The following PCDH11X variants were observed in gnomAD, a reference collection of about 807,000 sequenced individuals.
PCDH11X encodes protocadherin 11 X-linked.
In PCDH11X, 18 loss-of-function variants were observed where a neutral mutation model predicts 53.3. The observed-to-expected ratio is 0.34, with a 90% confidence interval of 0.23 to 0.50. The LOEUF is 0.50. Among genes scored for constraint, PCDH11X ranks in the 20% least tolerant of loss-of-function variants. PCDH11X has a pLI of 0.98. For synonymous variants in PCDH11X, 279 were observed against 393.3 expected (o/e 0.71, Z 3.44); for missense variants, 570 against 1,032.4 (o/e 0.55, Z 6.14).
At chrX:92,276,096 G>A (rs188755839) in intron 8 of PCDH11X, among the ~76,000 whole-genome samples, 1 of 109,854 alleles carries the variant, frequency 9.1e-6, no homozygotes, top group African/African-American at 3.3e-5. Context: ...AAAGAGTATT[G>A]TCTCAGTTGG....
chrX:91,951,982 T>G (rs868405361), intron 6 of PCDH11X, among the ~76,000 whole-genome samples: 9 of 110,206 alleles, frequency 8.2e-5, no homozygotes, highest in African/African-American at 2.6e-4. Flanking sequence ...GGTGTGGTAA[T>G]TGGTTCTTCC....
rs57977407 is a variant in PCDH11X at position 92,364,914 on chromosome X, C to CA, written c.3145-22798dup. On this transcript the variant is annotated intron_variant, in intron 8 of 10. Transcript: ENST00000682573. ...GGGAAACATAAGAAGACCCTTTCTA[C>CA]AAAAAAAAAAAAAAAAAAAAAAATT... Among the ~76,000 whole-genome samples the CA allele has an allele frequency of 7.2e-3, 322 of 44,681 alleles. 2 individuals are homozygous for CA. Among genetic ancestry groups the CA allele is most frequent in the Non-Finnish European group, 9.4e-3 (206 of 21,958 alleles). 38.8% of individuals were successfully genotyped at this position (44,681 alleles called of 115,157 possible).
At chrX:92,544,312 AT>A (rs1307364854) in intron 10 of PCDH11X, among the ~76,000 whole-genome samples, 2 of 111,755 alleles carry the variant, frequency 1.8e-5, no homozygotes, top group Admixed American at 1.9e-4. Flanking sequence ...CTTGGAGAAA[AT>A]ATAATTATAT....
In PCDH11X at chrX:92,567,334, G is replaced by GTCCT. The variant is rs761024084; in HGVS notation, c.3368-50916_3368-50913dup. On this transcript the variant is annotated intron_variant, in intron 10 of 10. Transcript: ENST00000682573. ...GTAGTTTGTAGTTCTCTTTCAAGAAGTCCTTCCTTCCTTCCTTTGTTAGCT... is the reference window on the plus strand; with the variant it reads ...GTAGTTTGTAGTTCTCTTTCAAGAAGTCCTTCCTTCCTTCCTTCCTTTGTTAGCT... Among the ~76,000 whole-genome samples, 16 of 76,669 alleles carry GTCCT rather than the reference G, an allele frequency of 2.1e-4. 1 individual carries two copies. In the East Asian group the frequency reaches 4.8e-3, roughly 23 times the overall value. The allele number at this position is 76,669 out of a possible 115,157, so 66.6% of individuals were successfully genotyped here. A position where few individuals can be genotyped will look rare whatever the true frequency, so the allele number is the denominator to read the frequency against.
chrX:92,155,696 G>T lies in PCDH11X; in HGVS notation c.3034-45679G>T, dbSNP rs765506813. Among the ~76,000 whole-genome samples the T allele has an allele frequency of 2.9e-4, 29 of 101,059 alleles. 1 individual carries two copies. Among genetic ancestry groups the T allele is most frequent in the African/African-American group, 1.0e-3 (27 of 26,341 alleles). 87.8% of individuals were successfully genotyped at this position (101,059 alleles called of 115,157 possible). ...GCCTGGAGTGCAGTGGCGCCATCTC[G>T]GCTCACTGCAAGCTCCACCTCTCGG... On this transcript the variant is annotated intron_variant, in intron 6 of 10. Transcript: ENST00000682573.
At chrX:92,340,515 C>T (rs2069729846) in intron 8 of PCDH11X, among the ~76,000 whole-genome samples, 1 of 112,218 alleles carries the variant, frequency 8.9e-6, no homozygotes, top group Non-Finnish European at 1.9e-5. Context: ...CAAGTCTTGA[C>T]TCAGTGCACC....
intron 6 of PCDH11X, among the ~76,000 whole-genome samples, chrX:92,008,513 G>C (rs755615549): frequency 9.0e-6 from 1 of 111,101 alleles, no homozygotes; most frequent in African/African-American, 3.3e-5. Context: ...TGCCGAGGTG[G>C]GGGAGTGGTA....
At chrX:92,398,407 G>A (rs1233796811) in intron 9 of PCDH11X, among the ~76,000 whole-genome samples, 3 of 111,596 alleles carry the variant, frequency 2.7e-5, no homozygotes, top group African/African-American at 3.2e-5. Flanking sequence ...TTTCAGAGCT[G>A]CTTTAGCAAT....
intron 5 of PCDH11X, among the ~76,000 whole-genome samples, chrX:91,836,879 A>T (rs1481541615): frequency 9.0e-6 from 1 of 111,198 alleles, no homozygotes; most frequent in East Asian, 2.8e-4. Flanking sequence ...ATTCTTTTAA[A>T]TTACTTATAT....
chrX:91,985,867 T>G (rs1465938735), intron 6 of PCDH11X, among the ~76,000 whole-genome samples: 1 of 106,383 alleles, frequency 9.4e-6, no homozygotes, highest in African/African-American at 3.4e-5. Context: ...CTAAGTTAAA[T>G]GCTAGTATGG....
chrX:92,480,601 G>A (rs1192033870), intron 10 of PCDH11X, among the ~76,000 whole-genome samples: 3 of 110,225 alleles, frequency 2.7e-5, no homozygotes, highest in African/African-American at 9.9e-5. Flanking sequence ...TTCATTTCTG[G>A]AAGAATTTGG....
chrX:92,412,076 G>A (rs2071685689), intron 9 of PCDH11X, among the ~76,000 whole-genome samples: 1 of 82,149 alleles, frequency 1.2e-5, no homozygotes, highest in African/African-American at 6.4e-5. Flanking sequence ...AAGAGGAGGA[G>A]GAGGAGGAAG....
intron 10 of PCDH11X, among the ~76,000 whole-genome samples, chrX:92,583,103 A>T (rs368243878): frequency 3.7e-4 from 29 of 77,722 alleles, no homozygotes; most frequent in East Asian, 3.3e-3. Flanking sequence ...TGGACTGTGG[A>T]TTTTTTTTTT....
chrX:92,225,002 T>G (rs2066943690), intron 7 of PCDH11X, among the ~76,000 whole-genome samples: 1 of 111,636 alleles, frequency 9.0e-6, no homozygotes, highest in South Asian at 3.7e-4. Context: ...TTGATACTGC[T>G]GTTAGTATGT....
intron 8 of PCDH11X, among the ~76,000 whole-genome samples, chrX:92,263,780 C>G (rs1482436569): frequency 8.9e-6 from 1 of 112,242 alleles, no homozygotes; most frequent in Non-Finnish European, 1.9e-5. Context: ...ATTTGTGTTT[C>G]TATTGTTAAA....
At chrX:92,263,817 T>C (rs1391860526) in intron 8 of PCDH11X, among the ~76,000 whole-genome samples, 1 of 112,441 alleles carries the variant, frequency 8.9e-6, no homozygotes, top group African/African-American at 3.2e-5. Context: ...TACATATTGT[T>C]AAATAACTTC....
chrX:92,000,694 C>T (rs897357476), intron 6 of PCDH11X, among the ~76,000 whole-genome samples: 11 of 107,799 alleles, frequency 1.0e-4, no homozygotes, highest in African/African-American at 3.4e-4. Flanking sequence ...TATATTTTTA[C>T]CCATTAAACA....
intron 6 of PCDH11X, among the ~76,000 whole-genome samples, chrX:92,196,347 C>A (rs2066291670): frequency 9.0e-6 from 1 of 111,542 alleles, no homozygotes; most frequent in East Asian, 2.8e-4. Context: ...AAATATGATT[C>A]ATACCAGTCC....
At chrX:92,585,061 A>C (rs921072599) in intron 10 of PCDH11X, among the ~76,000 whole-genome samples, 1 of 109,816 alleles carries the variant, frequency 9.1e-6, no homozygotes, top group Admixed American at 9.8e-5. Context: ...TTCTGGGTAG[A>C]CCTCAGAAAG....
Sources: gnomAD v4.1 joint callset for allele counts (sites outside exome capture counted in the v4.1 genomes callset) on GRCh38, gnomAD v4.1.1 for gene constraint, MANE v1.5 for transcripts, NCBI Gene and HGNC (gene_info 2026-07-23, HGNC 2026-07-21) for gene names.